Variants in VMA12 observed in about 807,000 individuals in gnomAD.
VMA12 encodes vacuolar ATPase assembly protein VMA12.
At chr17:28,357,658 G>C in the VMA12 span, 3 of 1,610,912 alleles carry the variant, frequency 1.9e-6, no homozygotes, top group Non-Finnish European at 2.5e-6. Context: ...CCTGACCGGA[G>C]AGCCGGCTAG....
the VMA12 span, chr17:28,362,804 C>T: frequency 1.4e-4 from 21 of 152,160 alleles, no homozygotes; most frequent in African/African-American, 4.6e-4. Context: ...GAGACCTTGT[C>T]TCAATGAAAA....
chr17:28,361,669 A>T, the VMA12 span: 1 of 166,320 alleles, frequency 6.0e-6, no homozygotes, highest in African/African-American at 2.4e-5. Flanking sequence ...TACATTTTTA[A>T]TGCAGACCTG....
At chr17:28,357,674 G>C in the VMA12 span, 1 of 1,612,046 alleles carries the variant, frequency 6.2e-7, no homozygotes, top group African/African-American at 1.3e-5. Flanking sequence ...GCTAGATATG[G>C]CGTCCTCTTT....
At chr17:28,360,785 G>A in the VMA12 span, 1 of 1,614,116 alleles carries the variant, frequency 6.2e-7, no homozygotes, top group Non-Finnish European at 8.5e-7. Context: ...CATTGTCACG[G>A]TGGTTGCTGC....
At chr17:28,360,434 A>T in the VMA12 span, 1 of 1,103,936 alleles carries the variant, frequency 9.1e-7, no homozygotes, top group Non-Finnish European at 1.3e-6. Context: ...GGGCAGAGTT[A>T]ATATGTTGGG....
At chr17:28,360,767 T>G in the VMA12 span, 18 of 1,614,110 alleles carry the variant, frequency 1.1e-5, no homozygotes, top group East Asian at 3.3e-4. Flanking sequence ...CATCACCATC[T>G]TCAATTTCAT....
the VMA12 span, chr17:28,362,195 T>C: frequency 2.0e-5 from 3 of 152,192 alleles, no homozygotes; most frequent in Admixed American, 6.5e-5. Context: ...TTTTTTTTTT[T>C]TCCAAAGCAC....
the VMA12 span, chr17:28,358,938 G>C: frequency 6.2e-7 from 1 of 1,612,132 alleles, no homozygotes. Context: ...ACCTCCATGA[G>C]CTCCTAGAAG....
At chr17:28,363,506 T>A in the VMA12 span, 2 of 152,198 alleles carry the variant, frequency 1.3e-5, no homozygotes, top group Admixed American at 6.5e-5. Flanking sequence ...ACAATCCAGA[T>A]TAAGGTACAG....
the VMA12 span, chr17:28,361,319 C>T: frequency 1.4e-6 from 2 of 1,473,058 alleles, no homozygotes; most frequent in South Asian, 1.1e-5. Context: ...CAGTCACCGA[C>T]TCAGTCAACC....
At chr17:28,362,993 C>G in the VMA12 span, 2 of 152,180 alleles carry the variant, frequency 1.3e-5, no homozygotes, top group Non-Finnish European at 2.9e-5. Context: ...TAGGGCCTTC[C>G]CAGTTTCTTA....
chr17:28,359,665 G>A, the VMA12 span: 1 of 262,134 alleles, frequency 3.8e-6, no homozygotes, highest in Non-Finnish European at 7.5e-6. Context: ...AGCACTTTGG[G>A]AGGCTGAGGT....
chr17:28,359,956 A>G, the VMA12 span, among the ~76,000 whole-genome samples: 1 of 151,956 alleles, frequency 6.6e-6, no homozygotes, highest in African/African-American at 2.4e-5. Flanking sequence ...TGAATCTTGG[A>G]GGCTTTTTTT....
the VMA12 span, chr17:28,357,998 T>G: frequency 9.0e-7 from 1 of 1,109,376 alleles, no homozygotes; most frequent in Non-Finnish European, 1.3e-6. Context: ...AAGTCAAGAG[T>G]CACTCCATAA....
the VMA12 span, chr17:28,361,544 A>C: frequency 2.8e-6 from 1 of 357,746 alleles, no homozygotes. Flanking sequence ...CATTCTAAAC[A>C]CTGCTGGGAC....
the VMA12 span, chr17:28,363,263 G>C: frequency 6.6e-6 from 1 of 152,264 alleles, no homozygotes; most frequent in Non-Finnish European, 1.5e-5. Flanking sequence ...GAATGTCCTA[G>C]ATTCAGTGGG....
chr17:28,358,661 G>A, the VMA12 span, among the ~76,000 whole-genome samples: 1 of 152,216 alleles, frequency 6.6e-6, no homozygotes, highest in Non-Finnish European at 1.5e-5. Flanking sequence ...AAAGGCACAA[G>A]TAAATGGCTT....
chr17:28,358,198 A>G, the VMA12 span: 2 of 419,466 alleles, frequency 4.8e-6, no homozygotes, highest in Admixed American at 7.1e-5. Flanking sequence ...CTTTTTCTCC[A>G]CTTTAGGAAT....
the VMA12 span, chr17:28,361,313 C>T: frequency 6.6e-7 from 1 of 1,524,200 alleles, no homozygotes; most frequent in Non-Finnish European, 9.1e-7. Flanking sequence ...AATTGGCAGT[C>T]ACCGACTCAG....
Sources: allele counts gnomAD v4.1 joint callset (sites outside exome capture counted in the v4.1 genomes callset), GRCh38; gene constraint gnomAD v4.1.1; transcripts MANE v1.5; gene names NCBI Gene and HGNC (gene_info 2026-07-23, HGNC 2026-07-21).